Variants in ACYP2 observed in about 807,000 individuals in gnomAD.
ACYP2 encodes the protein acylphosphatase 2, also known as acylphosphatase-2.
A neutral mutation model predicts 11.2 loss-of-function variants in ACYP2; 12 were observed. The observed-to-expected ratio is 1.08, with a 90% confidence interval of 0.69 to 1.74. The LOEUF (loss-of-function observed/expected upper bound fraction) is 1.74. Among genes scored for constraint, ACYP2 ranks in the 40% most tolerant of loss-of-function variants. The probability of loss-of-function intolerance (pLI) is 0.00; values close to 1 mark genes in which losing one functional copy is unlikely to be tolerated. For missense variants in ACYP2, 134 were observed against 101.9 expected, an observed-to-expected ratio of 1.31 and a Z score of -1.35; for synonymous variants, 43 against 32.2, an observed-to-expected ratio of 1.33 and a Z score of -1.13.
intron 2 of ACYP2, among the ~76,000 whole-genome samples, chr2:54,025,678 G>A (rs1000674573): frequency 6.6e-5 from 10 of 152,134 alleles, no homozygotes; most frequent in African/African-American, 2.2e-4. Context: ...CTGAGACATC[G>A]ACTTAGTCTA....
chr2:54,054,363 T>C (rs1212888804), intron 3 of ACYP2, among the ~76,000 whole-genome samples: 3 of 152,260 alleles, frequency 2.0e-5, no homozygotes, highest in Non-Finnish European at 4.4e-5. Flanking sequence ...TTCTTTCTCT[T>C]TCTTGCCAAC....
At chr2:54,147,928 A>G (rs1572855551) in intron 6 of ACYP2, among the ~76,000 whole-genome samples, 2 of 152,270 alleles carry the variant, frequency 1.3e-5, no homozygotes, top group Admixed American at 1.3e-4. Flanking sequence ...AACTGGACTT[A>G]AAAATGGATA....
chr2:54,114,575 T>C (rs1054847210), intron 4 of ACYP2, among the ~76,000 whole-genome samples: 5 of 152,032 alleles, frequency 3.3e-5, no homozygotes, highest in African/African-American at 1.2e-4. Context: ...TCCCAGCTAC[T>C]TGGAAGGCTG....
chr2:54,219,985 A>G (rs1099254), intron 6 of ACYP2, among the ~76,000 whole-genome samples: 80,829 of 143,272 alleles, frequency 0.56, 23,006 homozygotes, highest in East Asian at 0.68. Flanking sequence ...CAGGTGCTCC[A>G]CTCATCTCAG....
intron 6 of ACYP2, among the ~76,000 whole-genome samples, chr2:54,167,580 G>T (rs1032715054): frequency 2.6e-5 from 4 of 151,968 alleles, no homozygotes; most frequent in Non-Finnish European, 5.9e-5. Context: ...AGAGACATTT[G>T]GGGGAGGAAC....
At chr2:54,162,373 T>G (rs80249998) in intron 6 of ACYP2, among the ~76,000 whole-genome samples, 3,550 of 152,286 alleles carry the variant, frequency 0.023, 123 homozygotes, top group African/African-American at 0.076. Context: ...TGCTGCTGCT[T>G]CTTTTTCTTT....
At chr2:53,983,789 G>T (rs1027251257) in intron 2 of ACYP2, among the ~76,000 whole-genome samples, 1 of 152,180 alleles carries the variant, frequency 6.6e-6, no homozygotes, top group Non-Finnish European at 1.5e-5. Context: ...TTGCAAGCAA[G>T]TTAATAAGCA....
chr2:54,296,406 A>G (rs1689526445), intron 6 of ACYP2, among the ~76,000 whole-genome samples: 1 of 152,280 alleles, frequency 6.6e-6, no homozygotes, highest in South Asian at 2.1e-4. Flanking sequence ...CTTCTTGTAT[A>G]GGAACAAAAA....
chr2:53,992,026 C>T (rs1261633729), intron 2 of ACYP2, among the ~76,000 whole-genome samples: 1 of 151,640 alleles, frequency 6.6e-6, no homozygotes, highest in Non-Finnish European at 1.5e-5. Context: ...GCCCCTCTTT[C>T]CCTCCTTCCT....
At chr2:54,279,476 T>C (rs1054179167) in intron 6 of ACYP2, among the ~76,000 whole-genome samples, 5 of 152,226 alleles carry the variant, frequency 3.3e-5, no homozygotes, top group African/African-American at 1.2e-4. Context: ...ACTTTTCATT[T>C]TAGAATTATG....
intron 4 of ACYP2, among the ~76,000 whole-genome samples, chr2:54,120,200 A>C (rs1680065984): frequency 6.6e-6 from 1 of 152,138 alleles, no homozygotes; most frequent in African/African-American, 2.4e-5. Flanking sequence ...TACTTTAAAA[A>C]ATCTTCACAT....
At chr2:54,202,165 G>A (rs1223664266) in intron 6 of ACYP2, among the ~76,000 whole-genome samples, 1 of 152,092 alleles carries the variant, frequency 6.6e-6, no homozygotes, top group Non-Finnish European at 1.5e-5. Flanking sequence ...GGTGCAGATC[G>A]TGCAGTGGCA....
chr2:54,219,222 G>C (rs539969035), intron 6 of ACYP2, among the ~76,000 whole-genome samples: 2 of 152,296 alleles, frequency 1.3e-5, no homozygotes, highest in Admixed American at 1.3e-4. Context: ...AGTGTAAGAG[G>C]TGGGACTTGA....
chr2:54,172,516 G>A (rs1683261630), intron 6 of ACYP2, among the ~76,000 whole-genome samples: 2 of 152,210 alleles, frequency 1.3e-5, no homozygotes, highest in Admixed American at 6.5e-5. Flanking sequence ...AGTGAAGGGT[G>A]TGAAGACAAA....
At chr2:54,236,448 G>A (rs1018720063) in intron 6 of ACYP2, among the ~76,000 whole-genome samples, 1 of 151,888 alleles carries the variant, frequency 6.6e-6, no homozygotes, top group African/African-American at 2.4e-5. Context: ...TTTTTCTTTG[G>A]CCTATGGGTT....
At chr2:54,034,702 T>C (rs1674779119) in intron 2 of ACYP2, among the ~76,000 whole-genome samples, 1 of 152,120 alleles carries the variant, frequency 6.6e-6, no homozygotes. Flanking sequence ...ATCATATCAA[T>C]AGTGTAATGG....
intron 6 of ACYP2, among the ~76,000 whole-genome samples, chr2:54,286,029 A>C (rs1689063553): frequency 6.6e-6 from 1 of 152,218 alleles, no homozygotes; most frequent in Admixed American, 6.5e-5. Context: ...ATGTACCAAT[A>C]AACCCATTGT....
At chr2:53,986,538 T>C (rs746101336) in intron 2 of ACYP2, among the ~76,000 whole-genome samples, 1 of 151,874 alleles carries the variant, frequency 6.6e-6, no homozygotes, top group Non-Finnish European at 1.5e-5. Context: ...GATTTCACCA[T>C]GTTGGCCAGG....
intron 6 of ACYP2, among the ~76,000 whole-genome samples, chr2:54,170,864 T>C (rs1683194109): frequency 6.6e-6 from 1 of 152,146 alleles, no homozygotes; most frequent in African/African-American, 2.4e-5. Flanking sequence ...TTAGCATCCA[T>C]CTGCAGGTCT....
Sources: allele counts gnomAD v4.1 joint callset (sites outside exome capture counted in the v4.1 genomes callset), GRCh38; gene constraint gnomAD v4.1.1; transcripts MANE v1.5; gene names NCBI Gene and HGNC (gene_info 2026-07-23, HGNC 2026-07-21).